Variants in CELF2 observed in about 807,000 individuals in gnomAD.
The protein encoded by CELF2 is CUGBP Elav-like family member 2, also known as CUG triplet repeat RNA-binding protein 2.
In CELF2, 8 loss-of-function variants were observed where a neutral mutation model predicts 62.6. That is an observed-to-expected ratio of 0.13 (90% CI 0.07 to 0.23). CELF2 has a LOEUF of 0.23. Among genes scored for constraint, CELF2 ranks in the 10% least tolerant of loss-of-function variants. CELF2 has a pLI of 1.00. For missense variants in CELF2, 333 were observed against 671.0 expected (o/e 0.50, Z 5.56); for synonymous variants, 258 against 250.0 (o/e 1.03, Z -0.30).
the CELF2 span, among the ~76,000 whole-genome samples, chr10:10,603,408 T>C: frequency 6.6e-6 from 1 of 152,182 alleles, no homozygotes; most frequent in Non-Finnish European, 1.5e-5. Context: ...AGCCACAGAA[T>C]GAATGAACAG....
chr10:10,531,670 CG>C, the CELF2 span, among the ~76,000 whole-genome samples: 1 of 152,092 alleles, frequency 6.6e-6, no homozygotes, highest in Non-Finnish European at 1.5e-5. Flanking sequence ...GTGAATTCTG[CG>C]GGAGGAAGAG....
chr10:10,798,575 T>A, upstream of CELF2: 1 of 394,102 alleles, frequency 2.5e-6, no homozygotes, highest in East Asian at 3.6e-5. Context: ...GGGAGCCGGG[T>A]GTGGGACGGA....
the CELF2 span, among the ~76,000 whole-genome samples, chr10:10,605,551 T>C: frequency 6.6e-6 from 1 of 152,254 alleles, no homozygotes; most frequent in African/African-American, 2.4e-5. Flanking sequence ...GGTTGACTTA[T>C]TGGGCAAATC....
chr10:10,730,084 C>T, the CELF2 span, among the ~76,000 whole-genome samples: 1 of 152,146 alleles, frequency 6.6e-6, no homozygotes, highest in African/African-American at 2.4e-5. Context: ...TCTGGAAAAT[C>T]TCAACATCAA....
chr10:11,258,598 A>C (rs2079510071), intron 5 of CELF2, among the ~76,000 whole-genome samples: 1 of 151,846 alleles, frequency 6.6e-6, no homozygotes, highest in Admixed American at 6.6e-5. Context: ...AATGCCACAC[A>C]CCTCCTTCCT....
Position 11,285,831 on chromosome 10 carries a change from GT to G in CELF2, c.842-2586del, listed in dbSNP as rs2091072456. On this transcript the variant is annotated intron_variant, in intron 8 of 12. Transcript: ENST00000633077. The surrounding 1 kb of genome is among the most constrained non-coding windows in gnomAD (Gnocchi z 4.3). The stretch of plus-strand genomic sequence containing the variant: ...CATCACCTACTATATATATTGGTGT[GT>G]GTGTGTGTGTGTGTGTGTGTGTGTG... 5.0e-3 allele frequency among the ~76,000 whole-genome samples: 69 copies of G among 13,756 alleles called. No individual in the cohort carries two copies. The highest frequency in any genetic ancestry group is 0.015 in the African/African-American group (63 of 4,262). 9.0% of individuals were successfully genotyped at this position (13,756 alleles called of 152,430 possible).
At chr10:10,667,549 G>A in the CELF2 span, among the ~76,000 whole-genome samples, 1 of 152,276 alleles carries the variant, frequency 6.6e-6, no homozygotes, top group Non-Finnish European at 1.5e-5. Context: ...TATGTAAACT[G>A]GAGTTGCTGA....
At chr10:10,741,311 G>A in the CELF2 span, among the ~76,000 whole-genome samples, 1 of 151,902 alleles carries the variant, frequency 6.6e-6, no homozygotes, top group Non-Finnish European at 1.5e-5. Flanking sequence ...AACAGATCGA[G>A]ACCATCCTGG....
chr10:11,179,916 A>G (rs529418386), intron 2 of CELF2, among the ~76,000 whole-genome samples: 3 of 152,220 alleles, frequency 2.0e-5, no homozygotes, highest in Admixed American at 6.5e-5. Context: ...TAACAGTCAC[A>G]CTCAGCCCTA....
chr10:10,767,075 G>A, the CELF2 span, among the ~76,000 whole-genome samples: 2 of 151,984 alleles, frequency 1.3e-5, no homozygotes, highest in African/African-American at 4.8e-5. Flanking sequence ...CGTCTTTTGG[G>A]GCTATGCTGG....
the CELF2 span, among the ~76,000 whole-genome samples, chr10:10,468,612 A>G: frequency 9.2e-5 from 14 of 152,048 alleles, no homozygotes; most frequent in South Asian, 2.1e-3. Context: ...CGAGATGTCT[A>G]TGGTGTTGGT....
In CELF2 at chr10:11,280,710, T is replaced by A. The variant is rs1243003106; in HGVS notation, c.841+5590T>A. On this transcript the variant is annotated intron_variant, in intron 8 of 12. Transcript: ENST00000633077. The surrounding 1 kb of genome is among the most constrained non-coding windows in gnomAD (Gnocchi z 7.6). The stretch of plus-strand genomic sequence containing the variant: ...TGGGGCAGGATGGACAGAGGACACA[T>A]GGGCCACGGCCTCTGCCTGGCTGAG... Among the ~76,000 whole-genome samples, 5 of 152,092 alleles carry A rather than the reference T, an allele frequency of 3.3e-5. No homozygotes were observed. The highest frequency in any genetic ancestry group is 5.9e-5 in the Non-Finnish European group (4 of 67,998).
chr10:11,160,840 T>A (rs1311148183), intron 1 of CELF2, among the ~76,000 whole-genome samples: 1 of 152,228 alleles, frequency 6.6e-6, no homozygotes, highest in Admixed American at 6.5e-5. Context: ...TGGCAATTCT[T>A]ATAGCCATTT....
chr10:11,094,882 T>C (rs920328231), intron 1 of CELF2, among the ~76,000 whole-genome samples: 1 of 152,218 alleles, frequency 6.6e-6, no homozygotes, highest in Admixed American at 6.5e-5. Context: ...AAGGATACAC[T>C]GCACTTGTTT....
intron 1 of CELF2, among the ~76,000 whole-genome samples, chr10:11,109,473 G>A (rs533402009): frequency 7.9e-5 from 12 of 152,284 alleles, no homozygotes; most frequent in Admixed American, 1.3e-4. Context: ...GCAAGAAAGA[G>A]CCTTTAAATC....
chr10:10,892,983 T>C (rs890682674), intron 1 of CELF2, among the ~76,000 whole-genome samples: 2 of 152,244 alleles, frequency 1.3e-5, no homozygotes, highest in African/African-American at 4.8e-5. Flanking sequence ...CATTTTTTTG[T>C]CATCCTTCTT....
the CELF2 span, among the ~76,000 whole-genome samples, chr10:10,682,175 T>C: frequency 6.6e-6 from 1 of 152,152 alleles, no homozygotes; most frequent in African/African-American, 2.4e-5. Context: ...TTTGCGTAGA[T>C]GTAGTAGAAA....
At chr10:10,852,396 T>G (rs1014149284) in intron 1 of CELF2, among the ~76,000 whole-genome samples, 11 of 152,186 alleles carry the variant, frequency 7.2e-5, no homozygotes, top group South Asian at 2.1e-4. Flanking sequence ...AATGACAAAA[T>G]TATTTATTAA....
the CELF2 span, among the ~76,000 whole-genome samples, chr10:10,652,250 T>G: frequency 2.4e-5 from 3 of 127,654 alleles, no homozygotes; most frequent in Admixed American, 8.4e-5. Context: ...ATCTGATTGG[T>G]GTACCTGAAA....
Sources: allele counts gnomAD v4.1 joint callset (sites outside exome capture counted in the v4.1 genomes callset), GRCh38; gene constraint gnomAD v4.1.1; non-coding constraint Gnocchi (gnomAD v3.1); transcripts MANE v1.5; gene names NCBI Gene and HGNC (gene_info 2026-07-23, HGNC 2026-07-21).